NRXN1: variants seen among roughly 807,000 people sequenced by gnomAD.
NRXN1 encodes neurexin-1.
In NRXN1, 39 loss-of-function variants were observed where a neutral mutation model predicts 150.9. The ratio of observed to expected loss-of-function variants is 0.26; its 90% CI spans 0.20 to 0.34. The LOEUF is 0.34. Ranked by LOEUF, NRXN1 falls within the 10% of genes least tolerant of loss-of-function variation. The probability of loss-of-function intolerance (pLI) is 1.00; values close to 1 mark genes in which losing one functional copy is unlikely to be tolerated. For missense variants in NRXN1, 1,815 were observed against 1,949.9 expected (o/e 0.93, Z 1.30); for synonymous variants, 924 against 757.0 (o/e 1.22, Z -3.62).
chr2:50,780,859 T>C (rs1704264307), intron 5 of NRXN1, among the ~76,000 whole-genome samples: 1 of 152,194 alleles, frequency 6.6e-6, no homozygotes. Context: ...AACCATCCTC[T>C]GGGTATCTTT....
intron 21 of NRXN1, among the ~76,000 whole-genome samples, chr2:49,952,801 T>C (rs745350956): frequency 6.6e-6 from 1 of 152,148 alleles, no homozygotes. Context: ...GTCTTCACAA[T>C]GTAAGTGCCA....
chr2:50,133,211 T>C (rs1245188569), intron 18 of NRXN1, among the ~76,000 whole-genome samples: 4 of 152,160 alleles, frequency 2.6e-5, no homozygotes, highest in African/African-American at 9.7e-5. Context: ...GGCAGGTACC[T>C]GACATTCAAT....
chr2:50,989,721 T>A (rs1698258875), intron 2 of NRXN1, among the ~76,000 whole-genome samples: 1 of 152,038 alleles, frequency 6.6e-6, no homozygotes, highest in South Asian at 2.1e-4. Flanking sequence ...TTGGGTGGTT[T>A]CTAAAATTTA....
chr2:50,694,467 T>C (rs1470603310), intron 5 of NRXN1, among the ~76,000 whole-genome samples: 2 of 152,230 alleles, frequency 1.3e-5, no homozygotes, highest in African/African-American at 4.8e-5. Flanking sequence ...CTCCTTGGAA[T>C]CTGTCCCTCT....
chr2:50,953,241 A>T (rs1262082604), intron 2 of NRXN1, among the ~76,000 whole-genome samples: 1 of 152,240 alleles, frequency 6.6e-6, no homozygotes, highest in East Asian at 1.9e-4. Flanking sequence ...TTAGGCAAAT[A>T]CCTCAATGTC....
intron 17 of NRXN1, among the ~76,000 whole-genome samples, chr2:50,415,346 A>G: frequency 6.6e-6 from 1 of 152,124 alleles, no homozygotes; most frequent in East Asian, 1.9e-4. Flanking sequence ...TTGCAGTGTA[A>G]GGTGTATTTT....
At chr2:50,387,937 G>A (rs1399080898) in intron 17 of NRXN1, among the ~76,000 whole-genome samples, 1 of 152,066 alleles carries the variant, frequency 6.6e-6, no homozygotes, top group Non-Finnish European at 1.5e-5. Flanking sequence ...TGAAACACAC[G>A]TCTTGAAAAA....
At chr2:50,332,175 A>G (rs1046781377) in intron 17 of NRXN1, among the ~76,000 whole-genome samples, 3 of 152,184 alleles carry the variant, frequency 2.0e-5, no homozygotes, top group Non-Finnish European at 4.4e-5. Context: ...GTTGCAGGCA[A>G]TTTATTATAG....
At chr2:50,560,284 T>C (rs1292855506) in intron 8 of NRXN1, among the ~76,000 whole-genome samples, 7 of 152,122 alleles carry the variant, frequency 4.6e-5, no homozygotes, top group Non-Finnish European at 1.5e-5. Context: ...GAAATTTTCA[T>C]GTGTAGTGTG....
intron 5 of NRXN1, among the ~76,000 whole-genome samples, chr2:50,850,270 GTTGT>G (rs1260356542): frequency 2.0e-5 from 3 of 150,674 alleles, no homozygotes; most frequent in African/African-American, 4.9e-5. Flanking sequence ...TGTTGTTGCT[GTTGT>G]TTGTTTGTTT....
At chr2:50,025,252 C>T (rs927927563) in intron 21 of NRXN1, among the ~76,000 whole-genome samples, 33 of 152,178 alleles carry the variant, frequency 2.2e-4, no homozygotes, top group African/African-American at 7.7e-4. Context: ...TCCTACAATA[C>T]ATATATACAA....
chr2:50,370,340 T>C (rs1223144557), intron 17 of NRXN1, among the ~76,000 whole-genome samples: 1 of 151,948 alleles, frequency 6.6e-6, no homozygotes, highest in Non-Finnish European at 1.5e-5. Flanking sequence ...ACTTAGTGAA[T>C]TTGTAGGATG....
In NRXN1 at chr2:50,511,924, T is replaced by C. The variant is rs142419043; in HGVS notation, c.2375-5307A>G. On this transcript the variant is annotated intron_variant, in intron 12 of 22. Coordinates refer to ENST00000401669, the MANE Select transcript of NRXN1 (RefSeq NM_001330078.2). ...AATATTAGTCTCAGAACAAAGGAAATTTCATGCTATAATTTGTAGTTATGG... is the reference window on the plus strand; with the variant it reads ...AATATTAGTCTCAGAACAAAGGAAACTTCATGCTATAATTTGTAGTTATGG... Among the ~76,000 whole-genome samples the C allele has an allele frequency of 2.1e-3, 325 of 152,242 alleles. 1 individual carries two copies. Among genetic ancestry groups the C allele is most frequent in the African/African-American group, 7.5e-3 (310 of 41,542 alleles).
At chr2:50,086,839 AGAGAGAGAGAGC>A (rs1460308932) in intron 19 of NRXN1, among the ~76,000 whole-genome samples, 1 of 149,992 alleles carries the variant, frequency 6.7e-6, no homozygotes, top group Admixed American at 6.6e-5. Flanking sequence ...AGAGAGAGAG[AGAGAGAGAGAGC>A]GAGCCGAAAA....
chr2:50,087,134 C>G (rs72891470), intron 19 of NRXN1, among the ~76,000 whole-genome samples: 2,973 of 152,158 alleles, frequency 0.02, 79 homozygotes, highest in African/African-American at 0.068. Context: ...TTCCTTGGAA[C>G]GAGTTTTCCT....
At chr2:50,103,423 C>T (rs1416624374) in intron 18 of NRXN1, among the ~76,000 whole-genome samples, 1 of 151,892 alleles carries the variant, frequency 6.6e-6, no homozygotes. Context: ...AAGTTTTCAC[C>T]CTTGACCCTT....
intron 5 of NRXN1, among the ~76,000 whole-genome samples, chr2:50,661,098 C>G (rs1687237109): frequency 6.9e-6 from 1 of 144,404 alleles, no homozygotes; most frequent in Non-Finnish European, 1.5e-5. Context: ...TATATATATA[C>G]TAGTATGTAC....
rs146607666 is a variant in NRXN1, at chr2:50,997,161, T to A, written c.772+30341A>T. ...GCTACCAGTGTGTAATCAATCCACA[T>A]TATATTTAAGGAAGTGTGTTTATTA... On this transcript the variant is annotated intron_variant, in intron 2 of 22. Transcript: ENST00000401669. 3.9e-3 allele frequency among the ~76,000 whole-genome samples: 599 copies of A among 152,082 alleles called. 5 individuals are homozygous for A. Among genetic ancestry groups the A allele is most frequent in the African/African-American group, 0.014 (567 of 41,518 alleles).
intron 2 of NRXN1, among the ~76,000 whole-genome samples, chr2:50,933,696 G>A (rs1411275752): frequency 2.0e-5 from 3 of 152,184 alleles, no homozygotes; most frequent in African/African-American, 7.2e-5. Context: ...TTTTATATCT[G>A]TTGATTTACT....
Sources: gnomAD v4.1 joint callset for allele counts (sites outside exome capture counted in the v4.1 genomes callset) on GRCh38, gnomAD v4.1.1 for gene constraint, MANE v1.5 for transcripts, NCBI Gene and HGNC (gene_info 2026-07-23, HGNC 2026-07-21) for gene names.